Variants in CYBB observed in about 807,000 individuals in gnomAD.
CYBB encodes cytochrome b-245 beta chain.
A neutral mutation model predicts 46.5 loss-of-function variants in CYBB; 5 were observed. The ratio of observed to expected loss-of-function variants is 0.11; its 90% CI spans 0.06 to 0.23. The LOEUF (loss-of-function observed/expected upper bound fraction) is 0.23. Ranked by LOEUF, CYBB falls within the 10% of genes least tolerant of loss-of-function variation. CYBB has a pLI of 1.00. For missense variants in CYBB, 307 were observed against 428.3 expected (o/e 0.72, Z 2.50); for synonymous variants, 183 against 156.7 (o/e 1.17, Z -1.26).
intron 5 of CYBB, 43 bp from the exon 6 acceptor site, chrX:37,795,890 ATGTGTGTGTGTGTGTGTG>A (rs57325016): frequency 1.3e-4 from 75 of 597,295 alleles, no homozygotes; most frequent in East Asian, 3.5e-4. Flanking sequence ...GCTTGCGCAC[ATGTGTGTGTGTGTGTGTG>A]TGTGTGTGTG....
intron 2 of CYBB, among the ~76,000 whole-genome samples, chrX:37,782,740 G>T (rs1556464678): frequency 9.0e-6 from 1 of 111,568 alleles, no homozygotes. Flanking sequence ...TCCTTGAACT[G>T]TCAGGCCTCT....
Position 37,798,982 on chromosome X carries a change from G to C in CYBB, c.702G>C (p.Glu234Asp). 2 of 1,208,525 alleles carry C rather than the reference G, an allele frequency of 1.7e-6. No individual in the cohort carries two copies. The highest frequency in any genetic ancestry group is 3.0e-5 in the East Asian group (1 of 33,715). ...GAATTGTACGTGGGCAGACCGCAGA[G>C]AGTTTGGCTGTGCATAATATAACAG... ...AERIVRGQTA[E>D]SLAVHNITVC... Residue 234 changes from glutamate (E) to aspartate (D), a missense_variant, in exon 7 of 13, where the codon GAG (glutamate) becomes GAC (aspartate). By Grantham distance (45) the Glu-to-Asp change is conservative. This residue lies in a region of CYBB where 82 missense variants were observed against 69.9 expected (regional missense o/e 1.17). Transcript: ENST00000378588.
chrX:37,800,473 C>T lies in CYBB; in HGVS notation c.805-783C>T, dbSNP rs781795607. On this transcript the variant is annotated intron_variant, in intron 7 of 12. Coordinates refer to ENST00000378588, the MANE Select transcript of CYBB (RefSeq NM_000397.4). Reference sequence around the variant, plus strand: ...GTAGAAAGATTATATGTGAGACTATCGGAAGCACTCTCTTATCTTTTCCCC... The same window carrying T: ...GTAGAAAGATTATATGTGAGACTATTGGAAGCACTCTCTTATCTTTTCCCC... Among the ~76,000 whole-genome samples, 12 of 111,399 alleles carry T rather than the reference C, an allele frequency of 1.1e-4. 1 individual carries two copies. In the South Asian group the frequency reaches 3.0e-3, roughly 28 times the overall value.
Position 37,806,469 on chromosome X carries a change from A to T in CYBB, c.1397A>T (p.Gln466Leu). ...CTGCAACTGCTGGAGAGCCAGATGC[A>T]GGAAAGGAACAATGCCGGCTTCCTC... ...DLLQLLESQMQERNNAGFLSY... is the reference protein window; with the variant it reads ...DLLQLLESQMLERNNAGFLSY... The change falls in exon 11 of 13, where the codon CAG becomes CTG. Residue 466 changes from glutamine to leucine, a missense_variant. By Grantham distance (113) the Gln-to-Leu change is moderately radical (BLOSUM62 -2). Around this residue, in one of 3 missense-constraint regions of CYBB, gnomAD observed 122 missense variants for 208.3 expected, o/e 0.59. Transcript: ENST00000378588. The T allele has an allele frequency of 8.3e-7, 1 of 1,211,121 alleles. No individual in the cohort carries two copies. Among genetic ancestry groups the T allele is most frequent in the South Asian group, 1.8e-5 (1 of 57,006 alleles).
At position 37,812,963 on chromosome X, in the gene CYBB, A is replaced by G. The variant is rs1458941497; in HGVS notation, c.*2046A>G. 8.9e-6 allele frequency: 1 copy of G among 111,898 alleles called. No individual in the cohort carries two copies. Among genetic ancestry groups the G allele is most frequent in the African/African-American group, 3.3e-5 (1 of 30,746 alleles). The allele number at this position is 111,898 out of a possible 1,213,427, so 9.2% of individuals were successfully genotyped here. ...GGGTACCTCAGTTATAAGGAGTCTG[A>G]GAATATTGGCCCTTTCTAACCTATG... On this transcript the variant is annotated 3_prime_UTR_variant, in exon 13 of 13. Transcript: ENST00000378588.
At position 37,799,077 on chromosome X, in the gene CYBB, C is replaced by T; in HGVS notation, c.797C>T (p.Pro266Leu). The T allele has an allele frequency of 1.7e-6, 2 of 1,206,704 alleles. No individual in the cohort carries two copies. The highest frequency in any genetic ancestry group is 3.0e-5 in the East Asian group (1 of 33,749). Residue 266 changes from proline to leucine, a missense_variant, in exon 7 of 13, where the codon CCT becomes CTT. Pro to Leu is a moderately conservative substitution (Grantham distance 98). Transcript: ENST00000378588. Reference sequence around the variant, plus strand: ...CCAATCCCTCAGTTTGCTGGAAACCCTCCTATGGTATGTACAATTCATTGT... The same window carrying T: ...CCAATCCCTCAGTTTGCTGGAAACCTTCCTATGGTATGTACAATTCATTGT... ...ECPIPQFAGN[P>L]PMTWKWIVGP...
chrX:37,801,037 A>G (rs1434123628), intron 7 of CYBB, among the ~76,000 whole-genome samples: 1 of 112,176 alleles, frequency 8.9e-6, no homozygotes, highest in Non-Finnish European at 1.9e-5. Flanking sequence ...ACAGTTCCCC[A>G]TTGTGACTAA....
chrX:37,782,108 C>T lies in CYBB; in HGVS notation c.66C>T (p.Asn22=), dbSNP rs193922450. 4.2e-5 allele frequency: 51 copies of T among 1,208,139 alleles called. No homozygotes were observed. The highest frequency in any genetic ancestry group is 2.3e-4 in the Middle Eastern group (1 of 4,347). The change falls in exon 2 of 13, where the codon AAC becomes AAT. Residue 22 remains asparagine, a synonymous_variant. Coordinates refer to ENST00000378588, the MANE Select transcript of CYBB (RefSeq NM_000397.4). ...TGCAGCTGGTTTGGCTGGGGTTGAACGTCTTCCTCTTTGTCTGGTATTACC... is the reference window on the plus strand; with the variant it reads ...TGCAGCTGGTTTGGCTGGGGTTGAATGTCTTCCTCTTTGTCTGGTATTACC... ...IFVILVWLGL[N]VFLFVWYYRV... is the part of the protein sequence containing the mutation.
chrX:37,792,021 T>C lies in CYBB; in HGVS notation c.299T>C (p.Phe100Ser). ...AGACAACTGGACAGGAATCTCACCT[T>C]TCATAAAATGGTGGCATGGATGATT... ...VRRQLDRNLT[F>S]HKMVAWMIAL... The change falls in exon 4 of 13, where the codon TTT becomes TCT. Residue 100 changes from phenylalanine (F) to serine (S), a missense_variant. Phe to Ser is a radical substitution (Grantham distance 155). Coordinates refer to ENST00000378588, the MANE Select transcript of CYBB (RefSeq NM_000397.4). The C allele has an allele frequency of 8.3e-7, 1 of 1,208,003 alleles. No individual in the cohort carries two copies.
intron 10 of CYBB, among the ~76,000 whole-genome samples, chrX:37,806,030 C>A (rs782312456): frequency 3.9e-4 from 44 of 112,156 alleles, no homozygotes; most frequent in African/African-American, 1.4e-3. Context: ...GGAAGAATTT[C>A]TGTGGCAATC....
chrX:37,792,921 G>C (rs1929228227), intron 4 of CYBB, among the ~76,000 whole-genome samples: 2 of 109,880 alleles, frequency 1.8e-5, no homozygotes, highest in African/African-American at 6.6e-5. Flanking sequence ...TTGCGTGCCA[G>C]AGGTACTGGA....
intron 9 of CYBB, among the ~76,000 whole-genome samples, chrX:37,804,639 G>C (rs1230190433): frequency 9.1e-6 from 1 of 110,164 alleles, no homozygotes; most frequent in Non-Finnish European, 1.9e-5. Flanking sequence ...TAATGATGCA[G>C]CAAATCCTCA....
intron 6 of CYBB, among the ~76,000 whole-genome samples, chrX:37,797,036 C>T (rs1384618576): frequency 3.6e-5 from 4 of 111,139 alleles, no homozygotes; most frequent in Non-Finnish European, 7.6e-5. Context: ...TGGGGAAGTT[C>T]CCTGGTGGGT....
intron 3 of CYBB, among the ~76,000 whole-genome samples, chrX:37,785,640 G>A (rs1929049954): frequency 9.0e-6 from 1 of 111,412 alleles, no homozygotes; most frequent in Admixed American, 9.5e-5. Context: ...GAACTCCTGG[G>A]CTCAAGTGAT....
intron 1 of CYBB, among the ~76,000 whole-genome samples, chrX:37,781,094 C>T (rs1556464410): frequency 8.9e-6 from 1 of 112,320 alleles, no homozygotes; most frequent in African/African-American, 3.2e-5. Context: ...AAAATGTTTA[C>T]GCCAAACCAA....
In CYBB at chrX:37,808,233, G is replaced by T. The variant is rs182682000; in HGVS notation, c.1462-1334G>T. 6.1e-3 allele frequency among the ~76,000 whole-genome samples: 686 copies of T among 111,920 alleles called. 3 individuals are homozygous for T. Among genetic ancestry groups the T allele is most frequent in the Middle Eastern group, 9.2e-3 (2 of 217 alleles). ...GATCAAGACACCAACAGGTTTGGTTGTCTAGCAAAGGCTGCATCTTCTGGG... is the reference window on the plus strand; with the variant it reads ...GATCAAGACACCAACAGGTTTGGTTTTCTAGCAAAGGCTGCATCTTCTGGG... On this transcript the variant is annotated intron_variant, in intron 11 of 12. Coordinates refer to ENST00000378588, the MANE Select transcript of CYBB (RefSeq NM_000397.4).
chrX:37,785,254 G>A (rs1438967692), intron 3 of CYBB, among the ~76,000 whole-genome samples: 2 of 112,170 alleles, frequency 1.8e-5, no homozygotes, highest in African/African-American at 6.5e-5. Context: ...GTTCCAGAAA[G>A]AGTCGTGATA....
Position 37,811,044 on chromosome X carries a change from T to C in CYBB, c.*127T>C, listed in dbSNP as rs1199439817. Reference sequence around the variant, plus strand: ...GAAACTATAATGTAATGGTTTTCCCTTAAAGGAATGTCAAAGATTGTTTGA... The same window carrying C: ...GAAACTATAATGTAATGGTTTTCCCCTAAAGGAATGTCAAAGATTGTTTGA... On this transcript the variant is annotated 3_prime_UTR_variant, in exon 13 of 13. Coordinates refer to ENST00000378588, the MANE Select transcript of CYBB (RefSeq NM_000397.4). 1 of 645,366 alleles carries C rather than the reference T, an allele frequency of 1.5e-6. No homozygotes were observed. The highest frequency in any genetic ancestry group is 2.2e-5 in the African/African-American group (1 of 44,867). 53.2% of individuals were successfully genotyped at this position (645,366 alleles called of 1,213,427 possible).
intron 1 of CYBB, 110 bp from the exon 2 acceptor site, chrX:37,781,978 C>T: frequency 1.6e-6 from 1 of 614,929 alleles, no homozygotes; most frequent in Non-Finnish European, 2.8e-6. Flanking sequence ...TTGTCACTAC[C>T]TTTGTCAAAG....
Sources: allele counts gnomAD v4.1 joint callset (sites outside exome capture counted in the v4.1 genomes callset), GRCh38; gene constraint gnomAD v4.1.1; regional missense constraint gnomAD v4.1.1; transcripts MANE v1.5; gene names NCBI Gene and HGNC (gene_info 2026-07-23, HGNC 2026-07-21).